Variants in DAB1 observed in about 807,000 individuals in gnomAD.
The protein encoded by DAB1 is disabled homolog 1.
In DAB1, 15 loss-of-function variants were observed where a neutral mutation model predicts 64.6. That is an observed-to-expected ratio of 0.23 (90% confidence interval 0.16 to 0.36). DAB1 has a LOEUF of 0.36. Ranked by LOEUF, DAB1 falls within the 10% of genes least tolerant of loss-of-function variation. The probability of loss-of-function intolerance (pLI) is 1.00; values close to 1 mark genes in which losing one functional copy is unlikely to be tolerated. For missense variants in DAB1, 596 were observed against 706.7 expected (o/e 0.84, Z 1.78); for synonymous variants, 235 against 251.9 (o/e 0.93, Z 0.64).
intron 7 of DAB1, among the ~76,000 whole-genome samples, chr1:57,433,973 A>G (rs994184839): frequency 6.6e-6 from 1 of 152,122 alleles, no homozygotes; most frequent in Non-Finnish European, 1.5e-5. Flanking sequence ...TAAGATGGCT[A>G]AAATTTAAGC....
intron 7 of DAB1, among the ~76,000 whole-genome samples, chr1:57,545,433 A>G (rs770558518): frequency 2.6e-5 from 4 of 152,168 alleles, no homozygotes; most frequent in Admixed American, 6.5e-5. Flanking sequence ...GATTTGTCGC[A>G]GTTTTCCTAG....
intron 1 of DAB1, among the ~76,000 whole-genome samples, chr1:57,835,247 G>A (rs573835023): frequency 6.6e-6 from 1 of 152,062 alleles, no homozygotes; most frequent in African/African-American, 2.4e-5. Context: ...GGTCAGAAAG[G>A]CATCTGACAT....
At chr1:57,346,336 A>G (rs10889037) in intron 1 of DAB1, among the ~76,000 whole-genome samples, 83,378 of 152,058 alleles carry the variant, frequency 0.55, 23,693 homozygotes, top group African/African-American at 0.61. Flanking sequence ...TTACTTGAAG[A>G]TTCCTCAAAG....
At chr1:57,157,577 A>T (rs1029593471) in intron 2 of DAB1, among the ~76,000 whole-genome samples, 68 of 117,574 alleles carry the variant, frequency 5.8e-4, no homozygotes, top group African/African-American at 2.1e-3. Context: ...AGAAAGAGAG[A>T]GAGAGAGAGA....
chr1:58,133,064 A>G (rs560785872), intron 5 of DAB1, among the ~76,000 whole-genome samples: 16 of 152,296 alleles, frequency 1.1e-4, no homozygotes, highest in African/African-American at 3.9e-4. Flanking sequence ...TTAAAAACTG[A>G]ATGTTTCTCT....
intron 6 of DAB1, among the ~76,000 whole-genome samples, chr1:57,744,811 C>T (rs1648185494): frequency 6.6e-6 from 1 of 152,156 alleles, no homozygotes; most frequent in Non-Finnish European, 1.5e-5. Flanking sequence ...TGGCCGAGGA[C>T]ATGGTTCCTG....
intron 2 of DAB1, among the ~76,000 whole-genome samples, chr1:57,153,325 C>T (rs1175571760): frequency 6.6e-6 from 1 of 152,084 alleles, no homozygotes; most frequent in Non-Finnish European, 1.5e-5. Context: ...CGCACCCAGC[C>T]CCATATAGTA....
At chr1:58,331,829 T>C (rs1363926170) in intron 4 of DAB1, among the ~76,000 whole-genome samples, 1 of 152,222 alleles carries the variant, frequency 6.6e-6, no homozygotes, top group Non-Finnish European at 1.5e-5. Context: ...AAAAGTTGTG[T>C]GACTTGCTTT....
intron 4 of DAB1, among the ~76,000 whole-genome samples, chr1:58,251,348 C>A (rs1489312560): frequency 6.6e-6 from 1 of 152,160 alleles, no homozygotes; most frequent in Non-Finnish European, 1.5e-5. Context: ...GTAACCTGCT[C>A]TTTAGTAAGA....
At chr1:57,574,242 T>C (rs1221652187) in intron 7 of DAB1, among the ~76,000 whole-genome samples, 1 of 152,132 alleles carries the variant, frequency 6.6e-6, no homozygotes, top group Non-Finnish European at 1.5e-5. Context: ...TAACCAGTGC[T>C]TGGGGACAGG....
intron 2 of DAB1, among the ~76,000 whole-genome samples, chr1:57,216,303 A>G (rs1666425483): frequency 6.6e-6 from 1 of 152,102 alleles, no homozygotes; most frequent in African/African-American, 2.4e-5. Flanking sequence ...AAGTGCACAT[A>G]TGGCTTCCAG....
At chr1:58,256,042 A>C (rs1660920816) in intron 4 of DAB1, among the ~76,000 whole-genome samples, 1 of 152,138 alleles carries the variant, frequency 6.6e-6, no homozygotes, top group Non-Finnish European at 1.5e-5. Flanking sequence ...GCCTGTGGCC[A>C]TGGAGTTCAG....
intron 3 of DAB1, among the ~76,000 whole-genome samples, chr1:57,137,305 G>C (rs1172377225): frequency 1.3e-5 from 2 of 152,250 alleles, no homozygotes; most frequent in South Asian, 2.1e-4. Context: ...ATGTCTATGA[G>C]TTAGTGAGAA....
In DAB1 at chr1:57,232,929, T is replaced by A. The variant is rs116476827; in HGVS notation, c.67+58035A>T. ...ATTGGTATGACCATGTCCAGTAAAA[T>A]GTTCAGCAGGCAGCTGATCCTTATG... is the stretch of plus-strand genomic sequence containing the variant. On this transcript the variant is annotated intron_variant, in intron 2 of 14. Transcript: ENST00000371236. 4.2e-3 allele frequency among the ~76,000 whole-genome samples: 638 copies of A among 152,330 alleles called. 8 individuals carry two copies. The highest frequency in any genetic ancestry group is 0.015 in the African/African-American group (604 of 41,570).
intron 5 of DAB1, among the ~76,000 whole-genome samples, chr1:57,929,530 T>C (rs1007246092): frequency 3.3e-5 from 5 of 152,218 alleles, no homozygotes; most frequent in African/African-American, 1.2e-4. Context: ...CAAGGTCATC[T>C]ATATTTTTTC....
At chr1:58,101,181 G>C (rs369526340) in intron 5 of DAB1, among the ~76,000 whole-genome samples, 116 of 152,268 alleles carry the variant, frequency 7.6e-4, no homozygotes, top group African/African-American at 2.5e-3. Flanking sequence ...GCCGGGCATG[G>C]TGGTGGGCAC....
chr1:57,812,540 C>T (rs113757717), intron 6 of DAB1, among the ~76,000 whole-genome samples: 9 of 152,162 alleles, frequency 5.9e-5, no homozygotes, highest in African/African-American at 1.9e-4. Flanking sequence ...GGAACAGACC[C>T]CAAGGAATTT....
chr1:58,024,599 T>C (rs1052147650), intron 5 of DAB1, among the ~76,000 whole-genome samples: 1 of 152,250 alleles, frequency 6.6e-6, no homozygotes, highest in Non-Finnish European at 1.5e-5. Flanking sequence ...ATAAGGATTA[T>C]GCTGTTATAA....
chr1:57,545,517 G>T (rs574201306), intron 7 of DAB1, among the ~76,000 whole-genome samples: 37 of 152,088 alleles, frequency 2.4e-4, no homozygotes, highest in Non-Finnish European at 3.8e-4. Flanking sequence ...CAGAACAGTT[G>T]GTCAACCTAT....
Sources: gnomAD v4.1 joint callset for allele counts (sites outside exome capture counted in the v4.1 genomes callset) on GRCh38, gnomAD v4.1.1 for gene constraint, MANE v1.5 for transcripts, NCBI Gene and HGNC (gene_info 2026-07-23, HGNC 2026-07-21) for gene names.